The following DRD3 variants were observed in gnomAD, a reference collection of about 807,000 sequenced individuals.
DRD3 encodes the protein D(3) dopamine receptor.
Under a neutral mutation model 36.3 loss-of-function variants are expected in DRD3, and 19 were observed. The ratio of observed to expected loss-of-function variants is 0.52; its 90% CI spans 0.36 to 0.77. The LOEUF (loss-of-function observed/expected upper bound fraction) is 0.77, where lower values mean the gene tolerates loss of function less well. Ranked by LOEUF, DRD3 falls within the 30% of genes least tolerant of loss-of-function variation. The pLI, the probability that DRD3 is intolerant of heterozygous loss-of-function variation, is 0.00. For synonymous variants in DRD3, 195 were observed against 203.7 expected (o/e 0.96, Z 0.36); for missense variants, 465 against 505.3 (o/e 0.92, Z 0.77).
intron 2 of DRD3, among the ~76,000 whole-genome samples, chr3:114,161,903 G>A (rs1482875205): frequency 2.6e-5 from 4 of 152,042 alleles, no homozygotes; most frequent in Non-Finnish European, 5.9e-5. Context: ...TTTTAAATTG[G>A]GTAAAAAAAC....
chr3:114,191,672 G>A (rs1350788993), intron 1 of DRD3, among the ~76,000 whole-genome samples: 1 of 152,232 alleles, frequency 6.6e-6, no homozygotes, highest in East Asian at 1.9e-4. Context: ...TCAGAAGCAA[G>A]TTGGCGGCTC....
In DRD3 at chr3:114,188,152, A is replaced by T. The variant is rs941709907; in HGVS notation, c.-155-9376T>A. Among the ~76,000 whole-genome samples, 15 of 152,092 alleles carry T rather than the reference A, an allele frequency of 9.9e-5. 1 individual carries two copies. Among genetic ancestry groups the T allele is most frequent in the South Asian group, 6.2e-4 (3 of 4,828 alleles). Reference sequence around the variant, plus strand: ...AAAGAGTTTATTATCTCACATAAAAAATCCAGAGGCAGATGGCTTCACACG... The same window carrying T: ...AAAGAGTTTATTATCTCACATAAAATATCCAGAGGCAGATGGCTTCACACG... On this transcript the variant is annotated intron_variant, in intron 1 of 7. Coordinates refer to the DRD3 transcript ENST00000460779.
chr3:114,161,633 A>T (rs562275503), intron 2 of DRD3, among the ~76,000 whole-genome samples: 1 of 152,320 alleles, frequency 6.6e-6, no homozygotes, highest in Non-Finnish European at 1.5e-5. Flanking sequence ...TCTCTCTTTT[A>T]GTTTGACCAA....
chr3:114,144,113 G>T (rs2077550383), intron 4 of DRD3, among the ~76,000 whole-genome samples: 1 of 152,176 alleles, frequency 6.6e-6, no homozygotes, highest in African/African-American at 2.4e-5. Flanking sequence ...GGCCAGCCAG[G>T]CCCCTGCCTC....
upstream of DRD3, among the ~76,000 whole-genome samples, chr3:114,183,865 T>A (rs2077960871): frequency 1.3e-5 from 2 of 152,118 alleles, no homozygotes; most frequent in South Asian, 4.1e-4. Context: ...GATCTAAAGT[T>A]AGTTTCTTGT....
In DRD3 at chr3:114,131,301, C is replaced by T. The variant is rs1457927096; in HGVS notation, c.823G>A (p.Glu275Lys). The T allele has an allele frequency of 3.1e-6, 5 of 1,614,098 alleles. No individual in the cohort carries two copies. In the African/African-American group the frequency reaches 5.3e-5, roughly 17 times the overall value. ...CGAGTCTTCTCCTCTCTTTTCAACT[C>T]TCCTCCTCTTTCTTGGAAGCCTGGT... ...GGPGFQERGG[E>K]LKREEKTRNS... Residue 275 changes from glutamate to lysine, a missense_variant, in exon 6 of 7, where the codon GAG becomes AAG. Physicochemically the swap from Glu to Lys is moderately conservative, Grantham distance 56 (BLOSUM62 1). Transcript: ENST00000383673.
intron 1 of DRD3, among the ~76,000 whole-genome samples, chr3:114,174,621 G>A (rs774344354): frequency 1.3e-5 from 2 of 152,162 alleles, no homozygotes; most frequent in Non-Finnish European, 2.9e-5. Context: ...CAGCAGGTGG[G>A]TTAAACCGTG....
At chr3:114,174,964 A>T (rs1359773252) in intron 1 of DRD3, among the ~76,000 whole-genome samples, 1 of 152,162 alleles carries the variant, frequency 6.6e-6, no homozygotes, top group Non-Finnish European at 1.5e-5. Flanking sequence ...AGATAATCAT[A>T]TCCATTCCAT....
intron 3 of DRD3, among the ~76,000 whole-genome samples, chr3:114,155,970 T>C (rs2077663293): frequency 6.6e-6 from 1 of 152,080 alleles, no homozygotes. Context: ...ATATCATCCA[T>C]CCATCTCATA....
intron 1 of DRD3, among the ~76,000 whole-genome samples, chr3:114,187,457 T>C (rs989267760): frequency 1.3e-5 from 2 of 152,238 alleles, no homozygotes; most frequent in Admixed American, 1.3e-4. Context: ...AGACAGGACT[T>C]GTAGGACTTT....
At chr3:114,164,208 G>A (rs1263244706) in intron 2 of DRD3, among the ~76,000 whole-genome samples, 4 of 77,030 alleles carry the variant, frequency 5.2e-5, no homozygotes, top group African/African-American at 1.6e-4. Context: ...GTGATAGAGC[G>A]AGCCTCAGTC....
intron 1 of DRD3, among the ~76,000 whole-genome samples, chr3:114,188,535 T>A (rs1182676109): frequency 6.6e-6 from 1 of 152,226 alleles, no homozygotes; most frequent in Non-Finnish European, 1.5e-5. Context: ...TCTGCTTTTA[T>A]AGATCTTATC....
At position 114,150,957 on chromosome 3, in the gene DRD3, A is replaced by T. The variant is rs2077611691; in HGVS notation, c.384-3400T>A. ...GTAAACTGTGCAGGACTTGGCCTTG[A>T]CACCATGCTGTATGACAAAGGTGGC... On this transcript the variant is annotated intron_variant, in intron 3 of 6. Coordinates refer to ENST00000383673, the MANE Select transcript of DRD3 (RefSeq NM_000796.6). 2.0e-5 allele frequency among the ~76,000 whole-genome samples: 3 copies of T among 152,216 alleles called. No homozygotes were observed. In the South Asian group the frequency reaches 6.2e-4, roughly 32 times the overall value.
chr3:114,184,664 C>CTTTTTTTTTTTTTTTTTTTTTTTT (rs1553769533), intron 1 of DRD3, among the ~76,000 whole-genome samples: 4 of 136,568 alleles, frequency 2.9e-5, no homozygotes, highest in Admixed American at 8.1e-5. Flanking sequence ...TTATGTTCTC[C>CTTTTTTTTTTTTTTTTTTTTTTTT]TTCTTTTCCT....
At chr3:114,173,086 A>T (rs1337052989) in intron 1 of DRD3, among the ~76,000 whole-genome samples, 2 of 152,040 alleles carry the variant, frequency 1.3e-5, no homozygotes, top group African/African-American at 4.8e-5. Context: ...CATGAATAAG[A>T]TTAGTGCTTT....
intron 5 of DRD3, among the ~76,000 whole-genome samples, chr3:114,137,707 T>C (rs1038854846): frequency 2.0e-5 from 3 of 151,944 alleles, no homozygotes; most frequent in South Asian, 2.1e-4. Context: ...ATTAGCCAGA[T>C]GTGGCCGGGC....
chr3:114,186,095 C>CT (rs757039295), intron 1 of DRD3, among the ~76,000 whole-genome samples: 3 of 152,112 alleles, frequency 2.0e-5, no homozygotes, highest in Admixed American at 2.0e-4. Flanking sequence ...AAATCTGCAC[C>CT]TTTCCCTAGG....
At chr3:114,140,111 C>G (rs962379414) in intron 4 of DRD3, among the ~76,000 whole-genome samples, 2 of 152,192 alleles carry the variant, frequency 1.3e-5, no homozygotes, top group Admixed American at 6.5e-5. Flanking sequence ...GGATGCAGCC[C>G]TCAGAAAAGG....
At chr3:114,189,774 G>C (rs1483378546) in intron 1 of DRD3, among the ~76,000 whole-genome samples, 3 of 152,200 alleles carry the variant, frequency 2.0e-5, no homozygotes, top group Non-Finnish European at 4.4e-5. Context: ...AGGGCTTTGA[G>C]TTTGCAACCC....
Sources: allele counts gnomAD v4.1 joint callset (sites outside exome capture counted in the v4.1 genomes callset), GRCh38; gene constraint gnomAD v4.1.1; transcripts MANE v1.5; gene names NCBI Gene and HGNC (gene_info 2026-07-23, HGNC 2026-07-21).